The following CDKL3 variants were observed in gnomAD, a reference collection of about 807,000 sequenced individuals.
The protein encoded by CDKL3 is cyclin-dependent kinase-like 3.
In CDKL3, 65 loss-of-function variants were observed where a neutral mutation model predicts 69.3. The observed-to-expected ratio is 0.94, with a 90% CI of 0.77 to 1.15. The LOEUF (loss-of-function observed/expected upper bound fraction) is 1.15. CDKL3 is among the 50% of genes most tolerant of loss of function. The probability of loss-of-function intolerance (pLI) is 0.00; values close to 1 mark genes in which losing one functional copy is unlikely to be tolerated. For synonymous variants in CDKL3, 202 were observed against 221.6 expected, an observed-to-expected ratio of 0.91 and a Z score of 0.79; for missense variants, 652 against 689.2, an observed-to-expected ratio of 0.95 and a Z score of 0.61.
At chr5:134,310,902 C>T (rs1394062338) in intron 7 of CDKL3, among the ~76,000 whole-genome samples, 1 of 152,190 alleles carries the variant, frequency 6.6e-6, no homozygotes, top group Non-Finnish European at 1.5e-5. Flanking sequence ...AGTCTATCTC[C>T]AATAGCAGTT....
At chr5:134,301,190 G>T (rs2149416500) in intron 12 of CDKL3, among the ~76,000 whole-genome samples, 1 of 152,182 alleles carries the variant, frequency 6.6e-6, no homozygotes, top group Admixed American at 6.5e-5. Context: ...TAGAGAAGGG[G>T]TTTCACCACA....
chr5:134,302,538 C>A lies in CDKL3; in HGVS notation c.1719+52G>T. Reference sequence around the variant, plus strand: ...TAATAACTAAATTTATACACTGAGTCAAGTCCTCTAAACAACATGCCTTAG... The same window carrying A: ...TAATAACTAAATTTATACACTGAGTAAAGTCCTCTAAACAACATGCCTTAG... On this transcript the variant is annotated intron_variant, in intron 12 of 12. Coordinates refer to ENST00000265334, the MANE Select transcript of CDKL3 (RefSeq NM_001113575.2). 3.3e-6 allele frequency: 3 copies of A among 901,646 alleles called. No homozygotes were observed. The South Asian group carries it at 4.6e-5, about 14-fold the overall frequency. The allele number at this position is 901,646 out of a possible 1,614,324, so 55.9% of individuals were successfully genotyped here.
downstream of CDKL3, among the ~76,000 whole-genome samples, chr5:134,296,397 G>A (rs1765351575): frequency 6.6e-6 from 1 of 152,186 alleles, no homozygotes; most frequent in Non-Finnish European, 1.5e-5. Context: ...TACAACACAA[G>A]ACAGTCATAC....
chr5:134,293,208 C>T lies in CDKL3; in HGVS notation c.*678-6649G>A, dbSNP rs187502083. ...GCTAATTTTGTATTTTTAGTAGGCA[C>T]GGGGTTTCTCCATGTTGGTCAGGCT... On this transcript the variant is annotated intron_variant and NMD_transcript_variant, in intron 8 of 8. Coordinates refer to the CDKL3 transcript ENST00000519312. Among the ~76,000 whole-genome samples, 383 of 151,440 alleles carry T rather than the reference C, an allele frequency of 2.5e-3. 1 individual carries two copies. Among genetic ancestry groups the T allele is most frequent in the Non-Finnish European group, 4.0e-3 (269 of 67,838 alleles).
intron 4 of CDKL3, among the ~76,000 whole-genome samples, chr5:134,345,193 G>A (rs1751559262): frequency 6.6e-6 from 1 of 152,128 alleles, no homozygotes; most frequent in Non-Finnish European, 1.5e-5. Flanking sequence ...CTGAGGTGAT[G>A]AAAACTGACT....
chr5:134,327,141 G>A (rs770085207), intron 4 of CDKL3, among the ~76,000 whole-genome samples: 8 of 152,104 alleles, frequency 5.3e-5, no homozygotes, highest in East Asian at 1.9e-4. Context: ...CTGAGGCTAA[G>A]TTCTGGGTGA....
At chr5:134,361,858 T>C (rs919066687) in intron 2 of CDKL3, among the ~76,000 whole-genome samples, 3 of 152,150 alleles carry the variant, frequency 2.0e-5, no homozygotes, top group African/African-American at 7.2e-5. Flanking sequence ...GAGCCGAGAT[T>C]GTGCCATCGC....
downstream of CDKL3, among the ~76,000 whole-genome samples, chr5:134,294,459 G>A (rs530797992): frequency 2.0e-5 from 3 of 152,280 alleles, no homozygotes; most frequent in South Asian, 2.1e-4. Flanking sequence ...AATGTCCACT[G>A]TCATGACTTC....
intron 5 of CDKL3, among the ~76,000 whole-genome samples, chr5:134,320,127 C>G (rs778054291): frequency 6.6e-6 from 1 of 152,192 alleles, no homozygotes; most frequent in African/African-American, 2.4e-5. Flanking sequence ...AATCTCTTAA[C>G]TAGAACTTCT....
intron 4 of CDKL3, among the ~76,000 whole-genome samples, chr5:134,327,483 T>C (rs540896734): frequency 3.6e-4 from 55 of 152,282 alleles, no homozygotes; most frequent in Admixed American, 2.0e-3. Flanking sequence ...TTCAAAGGAA[T>C]TGACATCATT....
upstream of CDKL3, among the ~76,000 whole-genome samples, chr5:134,367,669 C>T (rs549250252): frequency 2.2e-4 from 34 of 152,278 alleles, 1 homozygote; most frequent in South Asian, 5.4e-3. Flanking sequence ...CCACCGCCCC[C>T]GGTCAAGATG....
chr5:134,296,333 C>G (rs1765349255), downstream of CDKL3, among the ~76,000 whole-genome samples: 1 of 152,122 alleles, frequency 6.6e-6, no homozygotes, highest in Non-Finnish European at 1.5e-5. Context: ...ACTGAAGGTG[C>G]TTTCTCTTCA....
At chr5:134,371,448 G>T (rs1209263065), upstream of CDKL3, 18 of 1,013,648 alleles carry the variant, frequency 1.8e-5, no homozygotes, top group Non-Finnish European at 2.5e-5. Flanking sequence ...GGAGGGAGAC[G>T]TCATTGCAGG....
downstream of CDKL3, among the ~76,000 whole-genome samples, chr5:134,296,307 A>G (rs139556909): frequency 7.6e-4 from 116 of 152,314 alleles, 2 homozygotes; most frequent in South Asian, 1.5e-3. Flanking sequence ...CCAGGAAAAG[A>G]CAATCTCCAG....
At chr5:134,334,829 C>T (rs959377285) in intron 4 of CDKL3, among the ~76,000 whole-genome samples, 1 of 152,084 alleles carries the variant, frequency 6.6e-6, no homozygotes, top group Non-Finnish European at 1.5e-5. Context: ...TCTATTAGGT[C>T]CGCTTGGTCC....
chr5:134,352,109 T>C (rs887564089), intron 3 of CDKL3, among the ~76,000 whole-genome samples: 12 of 152,190 alleles, frequency 7.9e-5, no homozygotes, highest in African/African-American at 2.9e-4. Flanking sequence ...TGCACTTTTA[T>C]AGATTCTGTA....
upstream of CDKL3, among the ~76,000 whole-genome samples, chr5:134,367,901 G>C (rs17167478): frequency 4.2e-4 from 64 of 152,274 alleles, no homozygotes; most frequent in African/African-American, 1.5e-3. Context: ...AGTTCAACTG[G>C]AATGACAGTC....
upstream of CDKL3, among the ~76,000 whole-genome samples, chr5:134,370,321 T>G (rs2290619): frequency 0.15 from 22,118 of 152,202 alleles, 1,995 homozygotes; most frequent in African/African-American, 0.25. Context: ...TTCAAGGTCT[T>G]TGGGAGGTCA....
rs1404010347 is a variant in CDKL3, at chr5:134,304,578, A to G, written c.1459-11T>C. On this transcript the variant is annotated splice_polypyrimidine_tract_variant and intron_variant, in intron 10 of 12. Coordinates refer to ENST00000265334, the MANE Select transcript of CDKL3 (RefSeq NM_001113575.2). ...CTTCTCCATTTGGCTCTAAACAAAC[A>G]AACAAGAGTTAGTTGAAGAAATGTG... 1 of 1,585,014 alleles carries G rather than the reference A, an allele frequency of 6.3e-7. No individual in the cohort carries two copies. Among genetic ancestry groups the G allele is most frequent in the African/African-American group, 1.4e-5 (1 of 73,774 alleles).
Sources: gnomAD v4.1 joint callset for allele counts (sites outside exome capture counted in the v4.1 genomes callset) on GRCh38, gnomAD v4.1.1 for gene constraint, MANE v1.5 for transcripts, NCBI Gene and HGNC (gene_info 2026-07-23, HGNC 2026-07-21) for gene names.